Variants in SLC7A2 observed in about 807,000 individuals in gnomAD.
The protein encoded by SLC7A2 is cationic amino acid transporter 2.
Under a neutral mutation model 58.9 loss-of-function variants are expected in SLC7A2, and 48 were observed. The observed-to-expected ratio is 0.82, with a 90% confidence interval of 0.65 to 1.04. SLC7A2 has a LOEUF of 1.04. SLC7A2 is among the 50% of genes least tolerant of loss of function. SLC7A2 has a pLI of 0.00. For missense variants in SLC7A2, 1,029 were observed against 818.8 expected (o/e 1.26, Z -3.13); for synonymous variants, 363 against 314.5 (o/e 1.15, Z -1.63).
At chr8:17,560,566 C>G (rs1380023675) in intron 10 of SLC7A2, 33 bp downstream of exon 10, 9 of 1,537,828 alleles carry the variant, frequency 5.9e-6, no homozygotes, top group Non-Finnish European at 7.2e-6. Flanking sequence ...ATTGTACAGA[C>G]CCAGAAGATG....
intron 4 of SLC7A2, among the ~76,000 whole-genome samples, chr8:17,545,403 CTTTTTTTT>C (rs386412194): frequency 1.6e-4 from 10 of 64,274 alleles, no homozygotes; most frequent in Admixed American, 5.9e-4. Flanking sequence ...TGAACATTTT[CTTTTTTTT>C]TTTTTTTTTT....
chr8:17,559,587 G>A (rs1042459149), intron 9 of SLC7A2, among the ~76,000 whole-genome samples: 2 of 152,140 alleles, frequency 1.3e-5, no homozygotes, highest in South Asian at 2.1e-4. Context: ...ATAACAAAAC[G>A]AAAGAAGAAA....
At chr8:17,513,990 A>T (rs1057034358) in intron 2 of SLC7A2, among the ~76,000 whole-genome samples, 2 of 152,238 alleles carry the variant, frequency 1.3e-5, no homozygotes, top group Non-Finnish European at 1.5e-5. Flanking sequence ...GCAGGGATTT[A>T]AAAATAATCT....
intron 2 of SLC7A2, among the ~76,000 whole-genome samples, chr8:17,539,620 A>G (rs554366925): frequency 1.3e-5 from 2 of 152,286 alleles, no homozygotes; most frequent in African/African-American, 4.8e-5. Flanking sequence ...AAGGCCAAGG[A>G]CAGGGGTGTG....
chr8:17,516,005 C>G (rs1800788979), intron 2 of SLC7A2, among the ~76,000 whole-genome samples: 1 of 152,106 alleles, frequency 6.6e-6, no homozygotes, highest in Non-Finnish European at 1.5e-5. Context: ...GAAGTAAATA[C>G]ATAGGATCAT....
At chr8:17,558,932 A>G (rs1314283059) in intron 9 of SLC7A2, among the ~76,000 whole-genome samples, 2 of 152,206 alleles carry the variant, frequency 1.3e-5, no homozygotes, top group Non-Finnish European at 2.9e-5. Context: ...ATAGTGTCTG[A>G]ACTTATTTAA....
At chr8:17,514,712 T>C (rs1023991042) in intron 2 of SLC7A2, among the ~76,000 whole-genome samples, 4 of 152,202 alleles carry the variant, frequency 2.6e-5, no homozygotes, top group African/African-American at 4.8e-5. Context: ...TGATGTCTTA[T>C]AGAAATGTTC....
At chr8:17,496,237 G>A (rs1799954623), upstream of SLC7A2, among the ~76,000 whole-genome samples, 1 of 152,154 alleles carries the variant, frequency 6.6e-6, no homozygotes, top group Non-Finnish European at 1.5e-5. Context: ...CGGGAGGATA[G>A]CTTGAGCCCA....
chr8:17,500,982 A>G (rs1282368565), intron 1 of SLC7A2, among the ~76,000 whole-genome samples: 1 of 150,386 alleles, frequency 6.6e-6, no homozygotes, highest in Non-Finnish European at 1.5e-5. Flanking sequence ...AGCAAGCAGT[A>G]TGCTGTTGCT....
At chr8:17,530,181 GC>G (rs1585216055) in intron 2 of SLC7A2, among the ~76,000 whole-genome samples, 1 of 151,956 alleles carries the variant, frequency 6.6e-6, no homozygotes, top group Non-Finnish European at 1.5e-5. Context: ...GTTCCCCCCT[GC>G]CCCCCATCCC....
rs560232660 is a variant in SLC7A2, at chr8:17,511,453, C to T, written c.-23+9151C>T. ...CGTTGGTTGTGTAGTCATTGTTTCA[C>T]AAGTTTTTAAATGGAGCTAGGGAGG... On this transcript the variant is annotated intron_variant, in intron 2 of 12. Transcript: ENST00000494857. Among the ~76,000 whole-genome samples, 6 of 152,230 alleles carry T rather than the reference C, an allele frequency of 3.9e-5. No individual in the cohort carries two copies. The East Asian group carries it at 1.2e-3, about 29-fold the overall frequency.
chr8:17,534,952 C>T (rs1202057613), intron 2 of SLC7A2, among the ~76,000 whole-genome samples: 1 of 152,138 alleles, frequency 6.6e-6, no homozygotes, highest in Non-Finnish European at 1.5e-5. Flanking sequence ...CTCTTTACCC[C>T]ACCGCCCTTC....
intron 2 of SLC7A2, 86 bp from the exon 3 acceptor site, chr8:17,543,232 A>C (rs1801996015): frequency 8.2e-7 from 1 of 1,221,710 alleles, no homozygotes; most frequent in South Asian, 1.5e-5. Context: ...ACACACACAC[A>C]TACTCTAATT....
At chr8:17,508,459 C>A (rs1172656879) in intron 2 of SLC7A2, among the ~76,000 whole-genome samples, 1 of 152,200 alleles carries the variant, frequency 6.6e-6, no homozygotes, top group East Asian at 1.9e-4. Flanking sequence ...CACAGTGGCT[C>A]ATGCCTGTAA....
chr8:17,513,118 G>A (rs1025139593), intron 2 of SLC7A2, among the ~76,000 whole-genome samples: 4 of 152,168 alleles, frequency 2.6e-5, no homozygotes, highest in Non-Finnish European at 4.4e-5. Flanking sequence ...CTGTGAACGT[G>A]GCTGTGCAAA....
Position 17,543,385 on chromosome 8 carries a change from C to A in SLC7A2, c.46C>A (p.Arg16=), listed in dbSNP as rs139113545. The change falls in exon 3 of 13, where the codon CGG becomes AGG. Residue 16 remains arginine, a synonymous_variant. Transcript: ENST00000494857. ...AALTFARCLI[R]RKIVTLDSLE... ...GCTGACCTTTGCCCGATGTCTGATC[C>A]GGAGAAAAATCGTGACCCTGGACAG... is the stretch of plus-strand genomic sequence containing the variant. 6.2e-7 allele frequency: 1 copy of A among 1,613,954 alleles called. No homozygotes were observed. Among genetic ancestry groups the A allele is most frequent in the Admixed American group, 1.7e-5 (1 of 59,990 alleles).
In SLC7A2 at chr8:17,567,376, T is replaced by C. The variant is rs556120507; in HGVS notation, c.*2230T>C. 18 of 152,746 alleles carry C rather than the reference T, an allele frequency of 1.2e-4. No individual in the cohort carries two copies. The highest frequency in any genetic ancestry group is 4.3e-4 in the African/African-American group (18 of 41,576). The allele number at this position is 152,746 out of a possible 1,614,324, so 9.5% of individuals were successfully genotyped here. A position where few individuals can be genotyped will look rare whatever the true frequency, so the allele number is the denominator to read the frequency against. ...TTAGAATGTGATAGGCAGCTAAAAC[T>C]GTTATGCCCACTGTGCTCAATTTGA... On this transcript the variant is annotated 3_prime_UTR_variant, in exon 13 of 13. Transcript: ENST00000494857.
intron 2 of SLC7A2, among the ~76,000 whole-genome samples, chr8:17,529,849 T>C (rs1422362845): frequency 6.6e-6 from 1 of 152,170 alleles, no homozygotes; most frequent in Non-Finnish European, 1.5e-5. Flanking sequence ...GAGGGACATT[T>C]TCAAAGAAGC....
chr8:17,561,705 G>A (rs1021767946), intron 10 of SLC7A2, among the ~76,000 whole-genome samples: 9 of 152,168 alleles, frequency 5.9e-5, no homozygotes, highest in African/African-American at 2.2e-4. Context: ...AACACTAGGA[G>A]GGGCGGTTGG....
Sources: gnomAD v4.1 joint callset for allele counts (sites outside exome capture counted in the v4.1 genomes callset) on GRCh38, gnomAD v4.1.1 for gene constraint, MANE v1.5 for transcripts, NCBI Gene and HGNC (gene_info 2026-07-23, HGNC 2026-07-21) for gene names.